Variants in LYRM4 observed in about 807,000 individuals in gnomAD.
LYRM4 encodes the protein LYR motif containing 4.
In LYRM4, 9 loss-of-function variants were observed where a neutral mutation model predicts 11.7. That is an observed-to-expected ratio of 0.77 (90% CI 0.46 to 1.34). The LOEUF is 1.34. Among genes scored for constraint, LYRM4 ranks in the 40% most tolerant of loss-of-function variants. The pLI, the probability that LYRM4 is intolerant of heterozygous loss-of-function variation, is 0.00. For synonymous variants in LYRM4, 42 were observed against 40.4 expected (o/e 1.04, Z -0.15); for missense variants, 133 against 112.5 (o/e 1.18, Z -0.82).
At chr6:5,174,825 C>G (rs933396276) in intron 2 of LYRM4, among the ~76,000 whole-genome samples, 3 of 152,102 alleles carry the variant, frequency 2.0e-5, no homozygotes, top group Non-Finnish European at 4.4e-5. Context: ...TAACAAACGT[C>G]GAGAAAGGCT....
intron 1 of LYRM4, among the ~76,000 whole-genome samples, chr6:5,220,904 C>G (rs1762541248): frequency 6.6e-6 from 1 of 152,152 alleles, no homozygotes; most frequent in Admixed American, 6.5e-5. Context: ...TATTATAGCT[C>G]TCTGTAGCCT....
At chr6:5,192,330 T>C (rs1467232540) in intron 2 of LYRM4, among the ~76,000 whole-genome samples, 2 of 152,004 alleles carry the variant, frequency 1.3e-5, no homozygotes, top group East Asian at 1.9e-4. Flanking sequence ...GGCCAGTACA[T>C]AATGTCCTCG....
chr6:5,054,468 A>G, the LYRM4 span: 1 of 153,910 alleles, frequency 6.5e-6, no homozygotes, highest in South Asian at 2.1e-4. Context: ...CTTTACTCTC[A>G]GCTTCCAATC....
Position 5,179,975 on chromosome 6 carries a change from C to T in LYRM4, c.207+36643G>A, listed in dbSNP as rs1346639073. On this transcript the variant is annotated intron_variant, in intron 2 of 2. Transcript: ENST00000330636. ...GTATGGCAGATAGAATCTTACTGTG[C>T]CAGTCACTCAGAATAATCAATTTCC... Among the ~76,000 whole-genome samples, 4 of 152,200 alleles carry T rather than the reference C, an allele frequency of 2.6e-5. No homozygotes were observed. The East Asian group carries it at 7.7e-4, about 29-fold the overall frequency.
chr6:5,095,689 G>C, the LYRM4 span, among the ~76,000 whole-genome samples: 1 of 152,178 alleles, frequency 6.6e-6, no homozygotes, highest in African/African-American at 2.4e-5. Flanking sequence ...TAAAAACCCT[G>C]AGTATTGGCT....
the LYRM4 span, among the ~76,000 whole-genome samples, chr6:5,045,272 T>C: frequency 1.3e-5 from 2 of 152,158 alleles, no homozygotes; most frequent in East Asian, 3.8e-4. Context: ...CAATGAAATA[T>C]GATTCAGCCT....
At chr6:5,131,892 G>A (rs1353333249) in intron 2 of LYRM4, among the ~76,000 whole-genome samples, 6 of 152,192 alleles carry the variant, frequency 3.9e-5, no homozygotes, top group Non-Finnish European at 8.8e-5. Flanking sequence ...TACAACTCAC[G>A]ATTGAGAGGC....
chr6:5,045,866 C>A, the LYRM4 span, among the ~76,000 whole-genome samples: 1 of 152,222 alleles, frequency 6.6e-6, no homozygotes, highest in East Asian at 1.9e-4. Context: ...CTGAATTACC[C>A]AGAACGGACT....
intron 1 of LYRM4, among the ~76,000 whole-genome samples, chr6:5,225,649 C>A (rs942967516): frequency 2.0e-5 from 3 of 152,216 alleles, no homozygotes; most frequent in African/African-American, 7.2e-5. Context: ...TGTGCTACCA[C>A]AAACAATGCT....
chr6:5,181,691 C>G (rs1358516682), intron 2 of LYRM4, among the ~76,000 whole-genome samples: 2 of 152,166 alleles, frequency 1.3e-5, no homozygotes, highest in Admixed American at 6.5e-5. Context: ...CTGCCGAGCT[C>G]TCTCTAAGAG....
intron 2 of LYRM4, among the ~76,000 whole-genome samples, chr6:5,125,365 C>T (rs1763653470): frequency 6.6e-6 from 1 of 152,232 alleles, no homozygotes. Flanking sequence ...CGACATGGAA[C>T]CTTTGGTCTA....
At position 5,144,807 on chromosome 6, in the gene LYRM4, C is replaced by A. The variant is rs569418455; in HGVS notation, c.208-35316G>T. 5.9e-5 allele frequency among the ~76,000 whole-genome samples: 9 copies of A among 152,302 alleles called. No homozygotes were observed. In the East Asian group the frequency reaches 1.7e-3, roughly 29 times the overall value. On this transcript the variant is annotated intron_variant, in intron 2 of 2. Transcript: ENST00000330636. ...CGGCGCTCACTCCCGGGCTGCCCGG[C>A]CTTCCCTGCAAACCTCCGTAATCCC...
At chr6:5,051,867 TGA>T in the LYRM4 span, among the ~76,000 whole-genome samples, 3 of 152,158 alleles carry the variant, frequency 2.0e-5, no homozygotes, top group East Asian at 1.9e-4. Flanking sequence ...GATCACATGG[TGA>T]GAGAGGAAGC....
the LYRM4 span, among the ~76,000 whole-genome samples, chr6:5,064,257 C>T: frequency 3.3e-5 from 5 of 152,044 alleles, no homozygotes; most frequent in Admixed American, 6.5e-5. Flanking sequence ...CCACCTAGCC[C>T]GGAAAAGTTC....
chr6:5,123,280 GC>G (rs1224951908), intron 2 of LYRM4, among the ~76,000 whole-genome samples: 4 of 152,194 alleles, frequency 2.6e-5, no homozygotes, highest in East Asian at 1.9e-4. Flanking sequence ...GTTCCCAGAA[GC>G]CCTCAGGAAG....
chr6:5,256,910 T>G (rs185122907), intron 1 of LYRM4, among the ~76,000 whole-genome samples: 196 of 152,228 alleles, frequency 1.3e-3, no homozygotes, highest in Non-Finnish European at 2.0e-3. Flanking sequence ...TCTGCTTGGA[T>G]TCTCTTCTTC....
intron 2 of LYRM4, among the ~76,000 whole-genome samples, chr6:5,193,942 T>C (rs1438913048): frequency 1.3e-5 from 2 of 151,972 alleles, no homozygotes; most frequent in Non-Finnish European, 2.9e-5. Context: ...TCATGCTTAA[T>C]TTCAGCTGCT....
At chr6:5,048,699 T>G in the LYRM4 span, among the ~76,000 whole-genome samples, 2 of 152,166 alleles carry the variant, frequency 1.3e-5, no homozygotes, top group African/African-American at 4.8e-5. Flanking sequence ...ACCTCATCAC[T>G]TTTTGCTTCA....
the LYRM4 span, among the ~76,000 whole-genome samples, chr6:5,090,038 A>ACACACACC: frequency 1.1e-4 from 15 of 140,972 alleles, no homozygotes; most frequent in Non-Finnish European, 1.5e-4. This position sits in a 1 kb window ranked among gnomAD's most constrained non-coding sequence, Gnocchi z 4.8. Context: ...ACACACACAC[A>ACACACACC]CACCACACAC....
Sources: gnomAD v4.1 joint callset for allele counts (sites outside exome capture counted in the v4.1 genomes callset) on GRCh38, gnomAD v4.1.1 for gene constraint, Gnocchi (gnomAD v3.1) non-coding constraint, MANE v1.5 for transcripts, NCBI Gene and HGNC (gene_info 2026-07-23, HGNC 2026-07-21) for gene names.